DLG2: variants seen among roughly 807,000 people sequenced by gnomAD.
The protein encoded by DLG2 is discs large MAGUK scaffold protein 2.
A neutral mutation model predicts 132.5 loss-of-function variants in DLG2; 45 were observed. The ratio of observed to expected loss-of-function variants is 0.34; its 90% CI spans 0.27 to 0.44. DLG2 has a LOEUF of 0.44. Among genes scored for constraint, DLG2 ranks in the 20% least tolerant of loss-of-function variants. The pLI is 1.00. For synonymous variants in DLG2, 424 were observed against 419.6 expected (o/e 1.01, Z -0.13); for missense variants, 1,045 against 1,196.9 (o/e 0.87, Z 1.87).
intron 10 of DLG2, among the ~76,000 whole-genome samples, chr11:84,066,697 G>A (rs1459782847): frequency 6.6e-6 from 1 of 152,040 alleles, no homozygotes; most frequent in African/African-American, 2.4e-5. Context: ...GGAGGCAGAG[G>A]TTGCAGTGAG....
intron 3 of DLG2, among the ~76,000 whole-genome samples, chr11:85,476,443 T>C (rs1485348454): frequency 6.6e-6 from 1 of 152,126 alleles, no homozygotes; most frequent in East Asian, 1.9e-4. Context: ...TTTACAATAA[T>C]AAATTAAACT....
intron 6 of DLG2, among the ~76,000 whole-genome samples, chr11:84,865,473 C>A (rs536029277): frequency 2.6e-4 from 40 of 152,308 alleles, no homozygotes; most frequent in African/African-American, 9.4e-4. Flanking sequence ...CTATGTCCAT[C>A]AGTGACTCAG....
chr11:84,348,079 GAC>G (rs983140075), intron 7 of DLG2, among the ~76,000 whole-genome samples: 59 of 152,240 alleles, frequency 3.9e-4, no homozygotes, highest in African/African-American at 1.4e-3. Flanking sequence ...GAAAGCATGT[GAC>G]ACATAGTAAA....
intron 3 of DLG2, among the ~76,000 whole-genome samples, chr11:85,587,958 T>C (rs1340939312): frequency 6.6e-6 from 1 of 152,228 alleles, no homozygotes; most frequent in East Asian, 1.9e-4. Flanking sequence ...TTTATGAAGC[T>C]CAGTTTTGCT....
At chr11:84,902,041 A>G (rs1227246474) in intron 6 of DLG2, among the ~76,000 whole-genome samples, 1 of 152,148 alleles carries the variant, frequency 6.6e-6, no homozygotes, top group Non-Finnish European at 1.5e-5. Context: ...CTCCAGTACT[A>G]CAAATTCAAA....
At chr11:84,050,567 G>T (rs1172492833) in intron 11 of DLG2, among the ~76,000 whole-genome samples, 2 of 151,906 alleles carry the variant, frequency 1.3e-5, no homozygotes, top group African/African-American at 2.4e-5. Flanking sequence ...CATTGCTTTT[G>T]GTGGTTTAGA....
chr11:83,662,020 A>G (rs937569788), intron 18 of DLG2, among the ~76,000 whole-genome samples: 4 of 152,164 alleles, frequency 2.6e-5, no homozygotes, highest in African/African-American at 9.7e-5. Context: ...TAATATACAC[A>G]TGTATTGAAA....
rs963479972 is a variant in DLG2, at chr11:83,836,324, A to G, written c.1566-2554T>C. On this transcript the variant is annotated intron_variant, in intron 16 of 27. Coordinates refer to ENST00000376104, the MANE Select transcript of DLG2 (RefSeq NM_001142699.3). ...GTTTAACCAAATAGCTGGACACTCA[A>G]TGACTCAGTCAAGCTGATACATGAA... 1.5e-4 allele frequency among the ~76,000 whole-genome samples: 23 copies of G among 152,198 alleles called. 1 individual carries two copies. The highest frequency in any genetic ancestry group is 5.6e-4 in the African/African-American group (23 of 41,434).
chr11:85,583,124 G>GTATATA (rs1565717537), intron 3 of DLG2, among the ~76,000 whole-genome samples: 13 of 41,052 alleles, frequency 3.2e-4, no homozygotes, highest in Non-Finnish European at 6.1e-4. Flanking sequence ...GTGTGTGTGT[G>GTATATA]TGTGTGTATA....
chr11:85,343,483 G>A (rs1486045889), intron 3 of DLG2, among the ~76,000 whole-genome samples: 1 of 152,036 alleles, frequency 6.6e-6, no homozygotes, highest in Admixed American at 6.6e-5. Context: ...TCAAGTTTTA[G>A]TGTCTTTTTT....
At chr11:85,302,724 A>G (rs2079675458) in intron 3 of DLG2, among the ~76,000 whole-genome samples, 1 of 152,118 alleles carries the variant, frequency 6.6e-6, no homozygotes, top group South Asian at 2.1e-4. Context: ...CTGCACATTC[A>G]GCGTAATAGT....
At chr11:84,814,479 A>T (rs1373503736) in intron 6 of DLG2, among the ~76,000 whole-genome samples, 1 of 151,960 alleles carries the variant, frequency 6.6e-6, no homozygotes, top group Non-Finnish European at 1.5e-5. Flanking sequence ...ATGGCTCCCC[A>T]CTGCCTTTCT....
At chr11:84,662,807 A>AAAAAAAAAT (rs57074119) in intron 6 of DLG2, among the ~76,000 whole-genome samples, 11 of 147,120 alleles carry the variant, frequency 7.5e-5, no homozygotes, top group African/African-American at 2.6e-4. Flanking sequence ...AAAAAAAAAA[A>AAAAAAAAAT]GGCAGTCACT....
intron 7 of DLG2, among the ~76,000 whole-genome samples, chr11:84,484,729 C>A (rs749869225): frequency 2.6e-4 from 39 of 152,080 alleles, no homozygotes; most frequent in Non-Finnish European, 5.1e-4. Context: ...AAGCTTGATC[C>A]TGGAGCTTGA....
intron 6 of DLG2, among the ~76,000 whole-genome samples, chr11:84,551,332 G>A (rs2099401421): frequency 6.6e-6 from 1 of 152,036 alleles, no homozygotes; most frequent in African/African-American, 2.4e-5. Context: ...TGCTTAATAT[G>A]CAACTTAATG....
intron 6 of DLG2, among the ~76,000 whole-genome samples, chr11:84,667,529 C>T (rs527380842): frequency 8.1e-6 from 1 of 123,838 alleles, no homozygotes; most frequent in Admixed American, 9.9e-5. Context: ...CATAGTCCTG[C>T]TCTGTAGCCC....
intron 6 of DLG2, among the ~76,000 whole-genome samples, chr11:84,783,821 C>G (rs946380448): frequency 6.6e-6 from 1 of 151,946 alleles, no homozygotes; most frequent in African/African-American, 2.4e-5. Flanking sequence ...TTATTGGTAT[C>G]TGTATGTTTC....
At chr11:84,927,887 C>T (rs766948357) in intron 6 of DLG2, among the ~76,000 whole-genome samples, 1 of 151,860 alleles carries the variant, frequency 6.6e-6, no homozygotes, top group Non-Finnish European at 1.5e-5. Flanking sequence ...TAGAAATTCT[C>T]CATACCCCAG....
At chr11:84,836,422 A>C (rs1420019230) in intron 6 of DLG2, among the ~76,000 whole-genome samples, 1 of 151,778 alleles carries the variant, frequency 6.6e-6, no homozygotes, top group Non-Finnish European at 1.5e-5. Flanking sequence ...ATAAACCAGA[A>C]AACTGGGTTC....
Sources: allele counts gnomAD v4.1 joint callset (sites outside exome capture counted in the v4.1 genomes callset), GRCh38; gene constraint gnomAD v4.1.1; transcripts MANE v1.5; gene names NCBI Gene and HGNC (gene_info 2026-07-23, HGNC 2026-07-21).